Variants in CEACAM18 observed in about 807,000 individuals in gnomAD.
CEACAM18 encodes the protein cell adhesion molecule CEACAM18.
CEACAM18 carries 33 observed loss-of-function variants against 34.3 expected under a neutral mutation model. The observed-to-expected ratio is 0.96, with a 90% CI of 0.73 to 1.29. CEACAM18 has a LOEUF of 1.29. Ranked by LOEUF, CEACAM18 falls within the 50% of genes most tolerant of loss-of-function variation. CEACAM18 has a pLI of 0.00. For missense variants in CEACAM18, 474 were observed against 485.0 expected (o/e 0.98, Z 0.21); for synonymous variants, 169 against 180.9 (o/e 0.93, Z 0.53).
chr19:51,484,423 C>T (rs1989967270), intron 4 of CEACAM18, among the ~76,000 whole-genome samples: 1 of 152,080 alleles, frequency 6.6e-6, no homozygotes, highest in Admixed American at 6.5e-5. Context: ...AGTGATTCTC[C>T]TGCCTCAGCC....
chr19:51,491,195 T>C (rs756203128), downstream of CEACAM18, among the ~76,000 whole-genome samples: 4 of 144,268 alleles, frequency 2.8e-5, no homozygotes, highest in Non-Finnish European at 4.5e-5. Context: ...AGCACATCCG[T>C]CAGCTCAAAT....
intron 2 of CEACAM18, 83 bp downstream of exon 2, chr19:51,480,763 T>C: frequency 1.6e-6 from 2 of 1,265,330 alleles, no homozygotes; most frequent in South Asian, 1.4e-5. Context: ...ATACAGAGCA[T>C]GACACCGGGA....
At chr19:51,483,292 C>G (rs1208407984) in exon 4 of CEACAM18, 1 of 1,613,714 alleles carries the variant, frequency 6.2e-7, no homozygotes, top group African/African-American at 1.3e-5. Flanking sequence ...CCAGGCCCCC[C>G]ATGAGTGCAG....
chr19:51,482,168 CT>C (rs149065920), intron 3 of CEACAM18, among the ~76,000 whole-genome samples: 20,085 of 149,560 alleles, frequency 0.13, 1,596 homozygotes, highest in Middle Eastern at 0.27. Context: ...TCCATACATT[CT>C]TTTTTTTTTA....
chr19:51,481,360 T>C, intron 2 of CEACAM18, 33 bp from the exon 3 acceptor site: 1 of 1,603,404 alleles, frequency 6.2e-7, no homozygotes, highest in Non-Finnish European at 8.5e-7. Context: ...CAGACCCCAC[T>C]TGTAATTTTT....
At chr19:51,481,533 A>T (rs1394009871) in exon 3 of CEACAM18, 3 of 1,614,018 alleles carry the variant, frequency 1.9e-6, no homozygotes, top group South Asian at 2.2e-5. Context: ...TAGTGACCGG[A>T]TGACAATTTC....
At chr19:51,480,794 C>A in intron 2 of CEACAM18, 114 bp downstream of exon 2, 1 of 987,030 alleles carries the variant, frequency 1.0e-6, no homozygotes. Context: ...CGGAGCCGCC[C>A]TGGAATCTTG....
intron 5 of CEACAM18, 26 bp downstream of exon 5, chr19:51,485,148 G>T: frequency 6.8e-7 from 1 of 1,476,964 alleles, no homozygotes; most frequent in Non-Finnish European, 9.0e-7. Flanking sequence ...TGGGACAAGG[G>T]TGGGATGTTG....
chr19:51,478,844 G>A (rs1214113561), intron 1 of CEACAM18, 150 bp downstream of exon 1: 1 of 545,562 alleles, frequency 1.8e-6, no homozygotes, highest in Non-Finnish European at 3.0e-6. Flanking sequence ...GAAGGGGGAG[G>A]ACCCTCAGCA....
At chr19:51,483,064 G>A (rs780388525) in exon 4 of CEACAM18, 26 of 1,613,876 alleles carry the variant, frequency 1.6e-5, no homozygotes, top group Non-Finnish European at 1.8e-5. Flanking sequence ...TGATTTCAAC[G>A]GCATTGTGAC....
chr19:51,488,767 G>A (rs4267441), intron 5 of CEACAM18, among the ~76,000 whole-genome samples: 11,467 of 152,220 alleles, frequency 0.075, 513 homozygotes, highest in African/African-American at 0.12. Context: ...CATGTGGACA[G>A]GGCTCCAGAA....
At chr19:51,478,623 TG>T in exon 1 of CEACAM18, 1 of 1,574,460 alleles carries the variant, frequency 6.4e-7, no homozygotes, top group South Asian at 1.2e-5. Flanking sequence ...CCCCTCCTCC[TG>T]GAGGACCCCA....
intron 5 of CEACAM18, 96 bp from the exon 6 acceptor site, chr19:51,490,491 G>T (rs1320067243): frequency 2.2e-5 from 24 of 1,073,432 alleles, no homozygotes; most frequent in Non-Finnish European, 2.8e-5. Context: ...CTTGGACTTG[G>T]TGGGAAGTCG....
At chr19:51,485,495 G>C (rs752453392) in intron 5 of CEACAM18, among the ~76,000 whole-genome samples, 12 of 152,260 alleles carry the variant, frequency 7.9e-5, no homozygotes, top group Non-Finnish European at 8.8e-5. Context: ...AGGTATCAGC[G>C]GTGAACTATG....
intron 2 of CEACAM18, 93 bp downstream of exon 2, chr19:51,480,773 A>G: frequency 8.3e-7 from 1 of 1,198,302 alleles, no homozygotes; most frequent in East Asian, 2.4e-5. Flanking sequence ...TGACACCGGG[A>G]GTGGAAATCA....
intron 4 of CEACAM18, among the ~76,000 whole-genome samples, chr19:51,484,383 G>GC (rs1426239562): frequency 2.7e-5 from 4 of 150,778 alleles, no homozygotes; most frequent in Admixed American, 6.6e-5. Context: ...TGCAATCTCT[G>GC]CTCACTGCAA....
intron 3 of CEACAM18, 130 bp downstream of exon 3, chr19:51,481,795 G>A: frequency 2.1e-6 from 2 of 948,682 alleles, no homozygotes; most frequent in Non-Finnish European, 3.0e-6. Context: ...AGCTCACTCT[G>A]GATTGGAATC....
rs1989854904 is a variant in CEACAM18, at chr19:51,478,764, G to A, written c.52+70G>A. 7 of 1,184,666 alleles carry A rather than the reference G, an allele frequency of 5.9e-6. No homozygotes were observed. In the South Asian group the frequency reaches 1.2e-4, roughly 20 times the overall value. 73.4% of individuals were successfully genotyped at this position (1,184,666 alleles called of 1,614,324 possible). A position where few individuals can be genotyped will look rare whatever the true frequency, so the allele number is the denominator to read the frequency against. The stretch of plus-strand genomic sequence containing the variant: ...AGGGCAGCTAGGAGCAAAGCGGCGG[G>A]GAGGGGGCTGGGACCATCCCCATCC... On this transcript the variant is annotated intron_variant, in intron 1 of 5. Coordinates refer to ENST00000396477, the Ensembl canonical transcript of CEACAM18.
Position 51,483,117 on chromosome 19 carries a change from T to G in CEACAM18, c.774T>G (p.Tyr258Ter), listed in dbSNP as rs765823852. The G allele has an allele frequency of 1.2e-6, 2 of 1,613,916 alleles. No homozygotes were observed. Among genetic ancestry groups the G allele is most frequent in the South Asian group, 2.2e-5 (2 of 91,090 alleles). The change falls in exon 4 of 6, where the codon TAT becomes TAG. Residue 258 changes from tyrosine (Y) to a stop codon, truncating the protein, a stop_gained. Coordinates refer to ENST00000396477, the Ensembl canonical transcript of CEACAM18. LOFTEE classifies it high-confidence loss of function. ...AAGTGGAAATGGAGTGTATCTGCTA[T>G]TCCTTCCTGGATCTCAAGTACCACT...
Sources: allele counts gnomAD v4.1 joint callset (sites outside exome capture counted in the v4.1 genomes callset), GRCh38; gene constraint gnomAD v4.1.1; transcripts MANE v1.5; gene names NCBI Gene and HGNC (gene_info 2026-07-23, HGNC 2026-07-21).